Variants in COL11A1 observed in about 807,000 individuals in gnomAD.
The protein encoded by COL11A1 is collagen type XI alpha 1 chain.
COL11A1 carries 74 observed loss-of-function variants against 265.2 expected under a neutral mutation model. The observed-to-expected ratio is 0.28, with a 90% CI of 0.23 to 0.34. COL11A1 has a LOEUF of 0.34. Ranked by LOEUF, COL11A1 falls within the 10% of genes least tolerant of loss-of-function variation. The pLI is 1.00. For synonymous variants in COL11A1, 816 were observed against 727.6 expected, an observed-to-expected ratio of 1.12 and a Z score of -1.96; for missense variants, 2,165 against 2,263.6, an observed-to-expected ratio of 0.96 and a Z score of 0.88.
At chr1:102,964,058 AG>A (rs1347041165) in intron 38 of COL11A1, among the ~76,000 whole-genome samples, 2 of 152,216 alleles carry the variant, frequency 1.3e-5, no homozygotes, top group Non-Finnish European at 2.9e-5. Flanking sequence ...GTGCATCTTC[AG>A]TAAAACACCA....
chr1:102,995,168 C>T (rs991369446), intron 28 of COL11A1, among the ~76,000 whole-genome samples: 1 of 151,938 alleles, frequency 6.6e-6, no homozygotes, highest in Non-Finnish European at 1.5e-5. Flanking sequence ...AATGTCATTC[C>T]CTTTGCATTT....
At chr1:102,882,726 T>C (rs1291504690) in intron 64 of COL11A1, among the ~76,000 whole-genome samples, 1 of 152,202 alleles carries the variant, frequency 6.6e-6, no homozygotes, top group Non-Finnish European at 1.5e-5. Flanking sequence ...CTCAGTGTAC[T>C]GGTAATAATG....
intron 4 of COL11A1, among the ~76,000 whole-genome samples, chr1:103,045,037 C>G (rs765979046): frequency 3.9e-5 from 6 of 151,912 alleles, no homozygotes; most frequent in Non-Finnish European, 8.8e-5. Flanking sequence ...GCTTTCCAGG[C>G]AGAAGGACTA....
chr1:103,098,417 T>C (rs778638134), intron 1 of COL11A1, among the ~76,000 whole-genome samples: 1 of 151,932 alleles, frequency 6.6e-6, no homozygotes, highest in Non-Finnish European at 1.5e-5. Flanking sequence ...TGCATCAACA[T>C]TATCTATGAA....
intron 28 of COL11A1, among the ~76,000 whole-genome samples, chr1:102,990,278 T>G (rs1003559026): frequency 6.6e-6 from 1 of 152,116 alleles, no homozygotes; most frequent in African/African-American, 2.4e-5. Flanking sequence ...GCACACAGAA[T>G]GAATAAAATG....
chr1:102,960,181 A>T (rs1660760049), intron 41 of COL11A1, among the ~76,000 whole-genome samples: 1 of 152,164 alleles, frequency 6.6e-6, no homozygotes. Flanking sequence ...ACATTTCCAT[A>T]ATTATGTCAA....
At position 102,924,014 on chromosome 1, in the gene COL11A1, C is replaced by T. The variant is rs547381248; in HGVS notation, c.3601-625G>A. On this transcript the variant is annotated intron_variant, in intron 46 of 66. Transcript: ENST00000370096. ...ACGAGGTCAGGAGATCGAGACCATCCTGGCTAACACCGGTGAAACCCCGTC... is the reference window on the plus strand; with the variant it reads ...ACGAGGTCAGGAGATCGAGACCATCTTGGCTAACACCGGTGAAACCCCGTC... Among the ~76,000 whole-genome samples, 17 of 149,650 alleles carry T rather than the reference C, an allele frequency of 1.1e-4. No individual in the cohort carries two copies. In the South Asian group the frequency reaches 1.7e-3, roughly 15 times the overall value.
In COL11A1 at chr1:103,022,905, T is replaced by C. The variant is rs372451206; in HGVS notation, c.1082A>G (p.Glu361Gly). 2.5e-6 allele frequency: 4 copies of C among 1,613,752 alleles called. No individual in the cohort carries two copies. In the African/African-American group the frequency reaches 5.3e-5, roughly 22 times the overall value. Residue 361 changes from glutamate (E) to glycine (G), a missense_variant, in exon 8 of 67, where the codon GAA becomes GGA. Physicochemically the swap from Glu to Gly is moderately conservative, Grantham distance 98. Coordinates refer to ENST00000370096, the MANE Select transcript of COL11A1 (RefSeq NM_001854.4). Reference protein sequence around the residue: ...QRKNSEDTLYENKEIDGRDSD... With the variant: ...QRKNSEDTLYGNKEIDGRDSD... ...ATCCCTGCCGTCTATTTCTTTGTTT[T>C]CATATAGTGTATCCTCAGAATTTTT... is the stretch of plus-strand genomic sequence containing the variant.
intron 57 of COL11A1, among the ~76,000 whole-genome samples, chr1:102,894,533 C>CAATA (rs34366432): frequency 0.94 from 142,148 of 151,580 alleles, 66,697 homozygotes; most frequent in East Asian, 1. Flanking sequence ...GACTCTGTCT[C>CAATA]AATAAATAAA....
chr1:102,925,201 C>T (rs1409089848), intron 46 of COL11A1, among the ~76,000 whole-genome samples: 2 of 151,976 alleles, frequency 1.3e-5, no homozygotes, highest in African/African-American at 4.8e-5. Flanking sequence ...TTACTTAATG[C>T]TCCCTAACCA....
intron 4 of COL11A1, 33 bp from the exon 5 acceptor site, chr1:103,031,277 C>T: frequency 2.5e-6 from 4 of 1,591,400 alleles, no homozygotes; most frequent in East Asian, 2.3e-5. Context: ...AACAAACAGA[C>T]ACAGATTCAG....
chr1:103,082,776 T>C (rs370460811), intron 2 of COL11A1, 29 bp downstream of exon 2: 22 of 1,575,394 alleles, frequency 1.4e-5, no homozygotes, highest in Non-Finnish European at 1.8e-5. Flanking sequence ...TTAGTAATAA[T>C]AACAATAATA....
chr1:103,050,448 C>T (rs1347406998), intron 4 of COL11A1, among the ~76,000 whole-genome samples: 1 of 152,158 alleles, frequency 6.6e-6, no homozygotes, highest in East Asian at 1.9e-4. Context: ...GTTTTCAGTT[C>T]CATCAGGTCC....
intron 53 of COL11A1, among the ~76,000 whole-genome samples, chr1:102,912,623 C>A (rs144186456): frequency 6.6e-6 from 1 of 152,044 alleles, no homozygotes; most frequent in African/African-American, 2.4e-5. Flanking sequence ...CATTCTATGC[C>A]AAGTTGTATA....
chr1:102,914,753 G>T lies in COL11A1; in HGVS notation c.3875C>A (p.Pro1292His), dbSNP rs1043927378. 6.2e-7 allele frequency: 1 copy of T among 1,613,232 alleles called. No homozygotes were observed. Among genetic ancestry groups the T allele is most frequent in the Non-Finnish European group, 8.5e-7 (1 of 1,179,892 alleles). ...GEAGPPGAAG[P>H]PGAKGPPGDD... ...ACCTGGTGGCCCCTTGGCACCTGGA[G>T]GTCCAGCAGCTCCAGGTGGACCAGC... Residue 1292 changes from proline (P) to histidine (H), a missense_variant, in exon 51 of 67, where the codon CCT becomes CAT. Physicochemically the swap from Pro to His is moderately conservative, Grantham distance 77 (BLOSUM62 -2). Coordinates refer to ENST00000370096, the MANE Select transcript of COL11A1 (RefSeq NM_001854.4).
At chr1:102,939,970 T>G (rs1474258914) in intron 43 of COL11A1, among the ~76,000 whole-genome samples, 2 of 152,152 alleles carry the variant, frequency 1.3e-5, no homozygotes, top group Non-Finnish European at 2.9e-5. Flanking sequence ...TAAGTCTTAT[T>G]GTACAATATC....
chr1:102,891,627 C>T (rs909186157), intron 57 of COL11A1, among the ~76,000 whole-genome samples: 1 of 149,086 alleles, frequency 6.7e-6, no homozygotes, highest in Non-Finnish European at 1.5e-5. Flanking sequence ...GTAATCCTAG[C>T]AATTTGAGAG....
At chr1:103,018,457 G>A (rs1473258122) in intron 10 of COL11A1, among the ~76,000 whole-genome samples, 1 of 152,104 alleles carries the variant, frequency 6.6e-6, no homozygotes, top group Non-Finnish European at 1.5e-5. Context: ...CAGAGGTATA[G>A]ATAAGGCAGC....
chr1:103,012,258 AATTGAGAAGG>A, intron 14 of COL11A1, among the ~76,000 whole-genome samples, 145 bp downstream of exon 14: 1 of 151,228 alleles, frequency 6.6e-6, no homozygotes, highest in South Asian at 2.1e-4. Context: ...CAGAAAACTG[AATTGAGAAGG>A]ATTTTTTTAA....
Sources: allele counts gnomAD v4.1 joint callset (sites outside exome capture counted in the v4.1 genomes callset), GRCh38; gene constraint gnomAD v4.1.1; transcripts MANE v1.5; gene names NCBI Gene and HGNC (gene_info 2026-07-23, HGNC 2026-07-21).